Variants in NRG1 observed in about 807,000 individuals in gnomAD.
The protein encoded by NRG1 is neuregulin 1.
Under a neutral mutation model 63.8 loss-of-function variants are expected in NRG1, and 18 were observed. That is an observed-to-expected ratio of 0.28 (90% confidence interval 0.19 to 0.42). The LOEUF (loss-of-function observed/expected upper bound fraction) is 0.42, where lower values mean the gene tolerates loss of function less well. Ranked by LOEUF, NRG1 falls within the 10% of genes least tolerant of loss-of-function variation. The pLI, the probability that NRG1 is intolerant of heterozygous loss-of-function variation, is 1.00. For synonymous variants in NRG1, 302 were observed against 301.3 expected, an observed-to-expected ratio of 1.00 and a Z score of -0.02; for missense variants, 762 against 814.7, an observed-to-expected ratio of 0.94 and a Z score of 0.79.
At chr8:31,866,911 C>CAACA (rs1296833513) in intron 1 of NRG1, among the ~76,000 whole-genome samples, 1 of 152,120 alleles carries the variant, frequency 6.6e-6, no homozygotes, top group Non-Finnish European at 1.5e-5. Context: ...TAGGAGGGCA[C>CAACA]TGTTCCTCCC....
chr8:32,531,935 A>C (rs1831494216), intron 1 of NRG1, among the ~76,000 whole-genome samples: 1 of 152,212 alleles, frequency 6.6e-6, no homozygotes, highest in Non-Finnish European at 1.5e-5. Flanking sequence ...CAATGTATGG[A>C]CCAACATAAG....
intron 1 of NRG1, among the ~76,000 whole-genome samples, chr8:32,124,540 TA>T (rs1833855594): frequency 6.6e-6 from 1 of 151,888 alleles, no homozygotes; most frequent in African/African-American, 2.4e-5. Flanking sequence ...ATGTAGAAAC[TA>T]AGTTATGATA....
At chr8:32,715,852 C>T (rs1414283605) in intron 5 of NRG1, among the ~76,000 whole-genome samples, 1 of 152,124 alleles carries the variant, frequency 6.6e-6, no homozygotes, top group Non-Finnish European at 1.5e-5. Context: ...CAATATTGGT[C>T]AGGCTGGTCT....
chr8:31,778,214 C>G (rs1819337075), intron 1 of NRG1, among the ~76,000 whole-genome samples: 1 of 152,140 alleles, frequency 6.6e-6, no homozygotes, highest in Non-Finnish European at 1.5e-5. Context: ...TCACTTTTCT[C>G]CTATTACTCA....
At chr8:32,430,382 C>A (rs1817975752) in intron 1 of NRG1, among the ~76,000 whole-genome samples, 1 of 152,056 alleles carries the variant, frequency 6.6e-6, no homozygotes, top group Non-Finnish European at 1.5e-5. Context: ...AGCAATAAAC[C>A]ATGTGTTTTG....
chr8:32,703,467 G>A (rs1815501976), intron 5 of NRG1, among the ~76,000 whole-genome samples: 1 of 144,746 alleles, frequency 6.9e-6, no homozygotes, highest in Admixed American at 6.9e-5. Context: ...CGCTCAGGCT[G>A]GAGTGCAGTG....
intron 7 of NRG1, chr8:32,743,085 C>A: frequency 9.3e-7 from 1 of 1,071,498 alleles, no homozygotes; most frequent in Non-Finnish European, 1.1e-6. Context: ...AATCATTCTA[C>A]TGAACAGTCC....
At chr8:32,480,949 T>C (rs1825190634) in intron 1 of NRG1, among the ~76,000 whole-genome samples, 1 of 152,194 alleles carries the variant, frequency 6.6e-6, no homozygotes, top group African/African-American at 2.4e-5. Flanking sequence ...CAACATGAGA[T>C]TTAAAACCAT....
chr8:31,841,487 T>C (rs1332879040), intron 1 of NRG1, among the ~76,000 whole-genome samples: 1 of 152,034 alleles, frequency 6.6e-6, no homozygotes, highest in African/African-American at 2.4e-5. Context: ...TGGAAAATGG[T>C]TTAGAAGGTG....
intron 1 of NRG1, among the ~76,000 whole-genome samples, chr8:32,205,763 C>A (rs1347746251): frequency 6.6e-6 from 1 of 151,826 alleles, no homozygotes; most frequent in African/African-American, 2.4e-5. Context: ...TAATTAAGAC[C>A]ACTACCTGCT....
chr8:32,328,048 A>C (rs1424851395), intron 1 of NRG1, among the ~76,000 whole-genome samples: 1 of 152,258 alleles, frequency 6.6e-6, no homozygotes, highest in Admixed American at 6.5e-5. Context: ...TTTTGAGTAC[A>C]GAATGACTTG....
rs150393002 is a variant in NRG1, at chr8:32,319,502, A to C, written c.38-276326A>C. 4.6e-3 allele frequency among the ~76,000 whole-genome samples: 702 copies of C among 152,284 alleles called. 3 individuals carry two copies. The highest frequency in any genetic ancestry group is 0.016 in the African/African-American group (663 of 41,554). On this transcript the variant is annotated intron_variant, in intron 1 of 10. Coordinates refer to the NRG1 transcript ENST00000519301. ...AGATCTAGCAGGAAAAGAGTCTTCT[A>C]TGTGCAAACAACACTAGACCCTTTC...
At chr8:32,600,666 A>G (rs1237626757) in intron 2 of NRG1, among the ~76,000 whole-genome samples, 1 of 152,188 alleles carries the variant, frequency 6.6e-6, no homozygotes, top group Non-Finnish European at 1.5e-5. Flanking sequence ...TCTAAAAGTA[A>G]TGCATGCTTA....
intron 1 of NRG1, among the ~76,000 whole-genome samples, chr8:32,235,872 A>C (rs931795283): frequency 6.6e-6 from 1 of 152,178 alleles, no homozygotes; most frequent in Non-Finnish European, 1.5e-5. Flanking sequence ...TCACTTACTG[A>C]ATACCTATAG....
At chr8:32,402,132 C>G (rs1204537418) in intron 1 of NRG1, among the ~76,000 whole-genome samples, 1 of 152,154 alleles carries the variant, frequency 6.6e-6, no homozygotes, top group South Asian at 2.1e-4. Context: ...AGGCTTGTCT[C>G]AAACTCCTAA....
intron 1 of NRG1, among the ~76,000 whole-genome samples, chr8:31,729,534 TGAGCTA>T (rs1813804338): frequency 6.6e-6 from 1 of 152,178 alleles, no homozygotes; most frequent in South Asian, 2.1e-4. Flanking sequence ...AAGCTTTTGC[TGAGCTA>T]GTATAGACAG....
chr8:32,189,972 C>T (rs1842329569), intron 1 of NRG1, among the ~76,000 whole-genome samples: 2 of 152,102 alleles, frequency 1.3e-5, no homozygotes, highest in African/African-American at 4.8e-5. Flanking sequence ...AACTGCCTCT[C>T]CTACACCTTT....
intron 1 of NRG1, among the ~76,000 whole-genome samples, chr8:31,913,061 A>T (rs1331688463): frequency 6.6e-6 from 1 of 152,166 alleles, no homozygotes. Context: ...ACCCTGTAGA[A>T]AGTGGATATC....
chr8:32,648,357 A>G, intron 5 of NRG1: 2 of 1,614,086 alleles, frequency 1.2e-6, no homozygotes, highest in East Asian at 2.2e-5. Context: ...AACAACAGAA[A>G]CTAATCTCCA....
Sources: allele counts gnomAD v4.1 joint callset (sites outside exome capture counted in the v4.1 genomes callset), GRCh38; gene constraint gnomAD v4.1.1; transcripts MANE v1.5; gene names NCBI Gene and HGNC (gene_info 2026-07-23, HGNC 2026-07-21).